The following CCDC148 variants were observed in gnomAD, a reference collection of about 807,000 sequenced individuals.
The protein encoded by CCDC148 is coiled-coil domain-containing protein 148.
Under a neutral mutation model 85.7 loss-of-function variants are expected in CCDC148, and 89 were observed. The observed-to-expected ratio is 1.04, with a 90% confidence interval of 0.87 to 1.24. The LOEUF is 1.24. CCDC148 is among the 50% of genes most tolerant of loss of function. CCDC148 has a pLI of 0.00. For missense variants in CCDC148, 692 were observed against 671.7 expected (o/e 1.03, Z -0.33); for synonymous variants, 230 against 213.9 (o/e 1.08, Z -0.66).
chr2:158,395,213 T>C (rs1366259695), intron 1 of CCDC148, among the ~76,000 whole-genome samples: 1 of 152,092 alleles, frequency 6.6e-6, no homozygotes, highest in Non-Finnish European at 1.5e-5. Context: ...GGTAACATAA[T>C]TAACAAACTT....
intron 9 of CCDC148, among the ~76,000 whole-genome samples, chr2:158,293,981 C>A: frequency 1.7e-5 from 1 of 57,446 alleles, no homozygotes; most frequent in East Asian, 5.5e-4. Flanking sequence ...TCCCCCCCCC[C>A]CTCCCTCCCT....
rs150904816 is a variant in CCDC148, at chr2:158,351,242, C to T, written c.148-5924G>A. The stretch of plus-strand genomic sequence containing the variant: ...AGGGCTGACCATAGCCCAAGATGGC[C>T]GAATAGGAACAGCTCCGGTCTACAG... On this transcript the variant is annotated intron_variant, in intron 2 of 13. Coordinates refer to ENST00000283233, the MANE Select transcript of CCDC148 (RefSeq NM_138803.4). Among the ~76,000 whole-genome samples, 331 of 152,276 alleles carry T rather than the reference C, an allele frequency of 2.2e-3. 1 individual carries two copies. Among genetic ancestry groups the T allele is most frequent in the Middle Eastern group, 6.8e-3 (2 of 294 alleles).
At chr2:158,215,139 A>C (rs1274527043) in intron 11 of CCDC148, among the ~76,000 whole-genome samples, 2 of 152,220 alleles carry the variant, frequency 1.3e-5, no homozygotes, top group Non-Finnish European at 2.9e-5. Flanking sequence ...GAAATGTAAC[A>C]TATAACAAAG....
chr2:158,431,007 G>A (rs1024691930), intron 1 of CCDC148, among the ~76,000 whole-genome samples: 3 of 151,426 alleles, frequency 2.0e-5, no homozygotes, highest in African/African-American at 7.3e-5. Context: ...TGAACTTAAA[G>A]ACACAACAAT....
intron 11 of CCDC148, among the ~76,000 whole-genome samples, chr2:158,211,047 C>T (rs1192928287): frequency 1.3e-5 from 2 of 150,230 alleles, no homozygotes; most frequent in African/African-American, 4.9e-5. Context: ...GGGTTGGGGG[C>T]TAGGGGAGGG....
intron 9 of CCDC148, among the ~76,000 whole-genome samples, chr2:158,289,215 T>C (rs577738096): frequency 1.3e-5 from 2 of 152,274 alleles, no homozygotes; most frequent in Non-Finnish European, 2.9e-5. Flanking sequence ...AAGACAAAGA[T>C]TGATAAATCA....
chr2:158,268,242 G>A (rs1002687692), intron 9 of CCDC148, among the ~76,000 whole-genome samples: 8 of 152,264 alleles, frequency 5.3e-5, no homozygotes, highest in African/African-American at 1.2e-4. Flanking sequence ...TCACTAGCAC[G>A]TGATATTGTC....
chr2:158,375,700 G>A (rs908987460), intron 1 of CCDC148, among the ~76,000 whole-genome samples: 4 of 152,096 alleles, frequency 2.6e-5, no homozygotes, highest in African/African-American at 9.7e-5. Context: ...TCCAACCAAT[G>A]AGACATGACT....
rs921974487 is a variant in CCDC148, at chr2:158,197,563, C to A, written c.1371-18567G>T. Reference sequence around the variant, plus strand: ...CCAAAGAAACATCCTGTCTAAAACCCCATTTCTGATAAAGTCACTGAAGTT... The same window carrying A: ...CCAAAGAAACATCCTGTCTAAAACCACATTTCTGATAAAGTCACTGAAGTT... On this transcript the variant is annotated intron_variant, in intron 11 of 13. Coordinates refer to ENST00000283233, the MANE Select transcript of CCDC148 (RefSeq NM_138803.4). Among the ~76,000 whole-genome samples, 25 of 152,220 alleles carry A rather than the reference C, an allele frequency of 1.6e-4. 1 individual carries two copies. Among genetic ancestry groups the A allele is most frequent in the East Asian group, 1.4e-3 (7 of 5,178 alleles).
chr2:158,222,664 G>A (rs1318620554), intron 10 of CCDC148, among the ~76,000 whole-genome samples: 1 of 151,952 alleles, frequency 6.6e-6, no homozygotes, highest in Admixed American at 6.6e-5. Context: ...GAATAGCTGG[G>A]GCATTTTCCT....
intron 1 of CCDC148, among the ~76,000 whole-genome samples, chr2:158,414,487 AC>A (rs1477765838): frequency 1.3e-5 from 2 of 152,184 alleles, no homozygotes; most frequent in Non-Finnish European, 2.9e-5. Flanking sequence ...ATAGCCTATC[AC>A]CACAAGAATA....
Position 158,450,453 on chromosome 2 carries a change from TCTTTTA to T in CCDC148, c.25+5956_25+5961del, listed in dbSNP as rs200687933. On this transcript the variant is annotated intron_variant, in intron 1 of 13. Transcript: ENST00000283233. Reference sequence around the variant, plus strand: ...GTGCCCTGCATCTGTCTGACAACCTTCTTTTACTTTGAGCTTTGCACAAAGCTGCTG... The same window carrying T: ...GTGCCCTGCATCTGTCTGACAACCTTCTTTGAGCTTTGCACAAAGCTGCTG... Among the ~76,000 whole-genome samples, 151 of 152,314 alleles carry T rather than the reference TCTTTTA, an allele frequency of 9.9e-4. 1 individual carries two copies. Among genetic ancestry groups the T allele is most frequent in the Non-Finnish European group, 5.0e-4 (34 of 68,018 alleles).
At chr2:158,194,845 CCT>C (rs1685589433) in intron 11 of CCDC148, among the ~76,000 whole-genome samples, 1 of 150,496 alleles carries the variant, frequency 6.6e-6, no homozygotes, top group Non-Finnish European at 1.5e-5. Context: ...TGCTTGAACT[CCT>C]CTGACTATTA....
intron 11 of CCDC148, among the ~76,000 whole-genome samples, chr2:158,192,296 G>T (rs1685460088): frequency 6.6e-6 from 1 of 152,000 alleles, no homozygotes; most frequent in African/African-American, 2.4e-5. Flanking sequence ...AGGAAACAGA[G>T]AAATTGCTAG....
chr2:158,349,958 C>T (rs1683178268), intron 2 of CCDC148, among the ~76,000 whole-genome samples: 2 of 146,072 alleles, frequency 1.4e-5, no homozygotes, highest in African/African-American at 5.5e-5. Flanking sequence ...GACTGTGAAC[C>T]ATTTTCATTA....
At chr2:158,331,841 C>T (rs1000592518) in intron 7 of CCDC148, among the ~76,000 whole-genome samples, 6 of 151,902 alleles carry the variant, frequency 3.9e-5, no homozygotes, top group East Asian at 1.9e-4. Context: ...CTGCCTTTTT[C>T]TGTTTTCCAT....
At chr2:158,388,457 TC>T (rs1248440694) in intron 1 of CCDC148, among the ~76,000 whole-genome samples, 2 of 152,046 alleles carry the variant, frequency 1.3e-5, no homozygotes, top group Non-Finnish European at 2.9e-5. Context: ...TTCCTTAGCT[TC>T]TTTGTGTTTA....
At chr2:158,199,491 C>T (rs1249657816) in intron 11 of CCDC148, among the ~76,000 whole-genome samples, 2 of 152,162 alleles carry the variant, frequency 1.3e-5, no homozygotes, top group African/African-American at 2.4e-5. Context: ...ATGATCCACC[C>T]ACCTTGGCCT....
chr2:158,315,419 CA>C (rs1415491226), intron 7 of CCDC148, among the ~76,000 whole-genome samples: 1 of 151,838 alleles, frequency 6.6e-6, no homozygotes, highest in Admixed American at 6.6e-5. Context: ...AAGCAACAAA[CA>C]AAAAAATAGA....
Sources: gnomAD v4.1 joint callset for allele counts (sites outside exome capture counted in the v4.1 genomes callset) on GRCh38, gnomAD v4.1.1 for gene constraint, MANE v1.5 for transcripts, NCBI Gene and HGNC (gene_info 2026-07-23, HGNC 2026-07-21) for gene names.